ABCB4: variants seen among roughly 807,000 people sequenced by gnomAD.
ABCB4 encodes the protein ATP binding cassette subfamily B member 4.
ABCB4 carries 76 observed loss-of-function variants against 145.7 expected under a neutral mutation model. The observed-to-expected ratio is 0.52, with a 90% CI of 0.43 to 0.63. ABCB4 has a LOEUF of 0.63. ABCB4 is among the 30% of genes least tolerant of loss of function. ABCB4 has a pLI of 0.00. For missense variants in ABCB4, 1,234 were observed against 1,553.1 expected (o/e 0.79, Z 3.45); for synonymous variants, 517 against 566.8 (o/e 0.91, Z 1.25).
intron 19 of ABCB4, among the ~76,000 whole-genome samples, 168 bp downstream of exon 19, chr7:87,419,830 A>C (rs1365253659): frequency 6.6e-6 from 1 of 152,098 alleles, no homozygotes; most frequent in African/African-American, 2.4e-5. Context: ...AAACATGAGA[A>C]GTCTTTAGCT....
At chr7:87,402,724 G>A (rs1013407379) in intron 27 of ABCB4, among the ~76,000 whole-genome samples, 1 of 152,092 alleles carries the variant, frequency 6.6e-6, no homozygotes, top group East Asian at 1.9e-4. Flanking sequence ...ACTATCAGCC[G>A]GGCAAGGTGG....
At chr7:87,446,746 C>T (rs1811369506) in intron 9 of ABCB4, among the ~76,000 whole-genome samples, 1 of 152,162 alleles carries the variant, frequency 6.6e-6, no homozygotes, top group Non-Finnish European at 1.5e-5. Context: ...GGATGGCTCC[C>T]ATCCATATTT....
chr7:87,398,510 T>C (rs771335664), downstream of ABCB4: 33 of 1,612,996 alleles, frequency 2.0e-5, no homozygotes, highest in Middle Eastern at 1.6e-4. Flanking sequence ...TTAATCATTA[T>C]TTATGCTTCA....
Position 87,403,247 on chromosome 7 carries a change from T to G in ABCB4, c.3521A>C (p.Gln1174Pro), listed in dbSNP as rs765296260. Residue 1174 changes from glutamine to proline, a missense_variant, in exon 27 of 28, where the codon CAG becomes CCG. By Grantham distance (76) the Gln-to-Pro change is moderately conservative (BLOSUM62 -1). Coordinates refer to ENST00000649586, the MANE Select transcript of ABCB4 (RefSeq NM_000443.4). ...CCTCTGTTTTTGACCTCCTGAGAGC[T>G]GAGTCCCCTTATCTCCCACTCTTGT... ...YETRVGDKGT[Q>P]LSGGQKQRIA... 1 of 1,614,066 alleles carries G rather than the reference T, an allele frequency of 6.2e-7. No homozygotes were observed. The highest frequency in any genetic ancestry group is 1.3e-5 in the African/African-American group (1 of 75,066).
chr7:87,461,060 C>T (rs1812425856), intron 4 of ABCB4, among the ~76,000 whole-genome samples: 1 of 152,106 alleles, frequency 6.6e-6, no homozygotes. Context: ...ATTCCTCTGC[C>T]TCAGCCTCCA....
chr7:87,395,821 C>T, the ABCB4 span, among the ~76,000 whole-genome samples: 5 of 152,176 alleles, frequency 3.3e-5, no homozygotes, highest in South Asian at 4.2e-4. Context: ...AATTCAGGCT[C>T]TAGATCGGGG....
intron 14 of ABCB4, among the ~76,000 whole-genome samples, chr7:87,432,088 C>T (rs532368099): frequency 6.6e-6 from 1 of 152,256 alleles, no homozygotes; most frequent in Admixed American, 6.5e-5. Context: ...GGTTCAAAAG[C>T]CATCCAAAGC....
intron 8 of ABCB4, chr7:87,448,714 G>A (rs558497823): frequency 6.6e-6 from 1 of 152,370 alleles, no homozygotes; most frequent in East Asian, 1.9e-4. Flanking sequence ...GGACTATTAT[G>A]TACAGGAAGC....
In ABCB4 at chr7:87,463,429, T is replaced by C. The variant is rs1562999372; in HGVS notation, c.136-521A>G. On this transcript the variant is annotated intron_variant, in intron 3 of 27. Coordinates refer to ENST00000649586, the MANE Select transcript of ABCB4 (RefSeq NM_000443.4). Reference sequence around the variant, plus strand: ...TAGTGAAGCACAATAAACATTACAGTGTGTCTATATATGCACCTTAGGGAA... The same window carrying C: ...TAGTGAAGCACAATAAACATTACAGCGTGTCTATATATGCACCTTAGGGAA... 5.3e-5 allele frequency among the ~76,000 whole-genome samples: 8 copies of C among 152,338 alleles called. No homozygotes were observed. In the South Asian group the frequency reaches 1.5e-3, roughly 28 times the overall value.
At position 87,431,431 on chromosome 7, in the gene ABCB4, C is replaced by T. The variant is rs761626166; in HGVS notation, c.1866G>A (p.Gly622=). ...GCATGTTGACAAGTTTGAAGTACACCCCTTCCTTCTTCATCAGTTCGCTGT... is the reference window on the plus strand; with the variant it reads ...GCATGTTGACAAGTTTGAAGTACACTCCTTCCTTCTTCATCAGTTCGCTGT... ...GSHSELMKKE[G]VYFKLVNMQT... The change falls in exon 15 of 28, where the codon GGG becomes GGA. Residue 622 remains glycine, a synonymous_variant. Coordinates refer to ENST00000649586, the MANE Select transcript of ABCB4 (RefSeq NM_000443.4). 6.2e-7 allele frequency: 1 copy of T among 1,614,014 alleles called. No individual in the cohort carries two copies. Among genetic ancestry groups the T allele is most frequent in the South Asian group, 1.1e-5 (1 of 91,078 alleles).
At chr7:87,437,454 T>C (rs908388937) in intron 14 of ABCB4, among the ~76,000 whole-genome samples, 3 of 152,182 alleles carry the variant, frequency 2.0e-5, no homozygotes, top group Admixed American at 6.5e-5. Flanking sequence ...TACACTGAAT[T>C]GTTTTAAGCG....
At chr7:87,445,073 GT>G in intron 9 of ABCB4, 98 bp from the exon 10 acceptor site, 1 of 820,826 alleles carries the variant, frequency 1.2e-6, no homozygotes, top group Non-Finnish European at 2.0e-6. Flanking sequence ...AAAGGATTAA[GT>G]TTAGGTTTAT....
In ABCB4 at chr7:87,447,725, T is replaced by C. The variant is rs184696016; in HGVS notation, c.834-520A>G. ...TTGTACATAAACATAGGCTTCTCTC[T>C]TTGACTTTTTTAAAAATCAGGCTGA... On this transcript the variant is annotated intron_variant, in intron 8 of 27. Transcript: ENST00000649586. Among the ~76,000 whole-genome samples, 13 of 152,332 alleles carry C rather than the reference T, an allele frequency of 8.5e-5. No homozygotes were observed. The East Asian group carries it at 2.5e-3, about 29-fold the overall frequency.
At chr7:87,410,556 C>T (rs186734705) in intron 23 of ABCB4, among the ~76,000 whole-genome samples, 69 of 152,292 alleles carry the variant, frequency 4.5e-4, no homozygotes, top group Middle Eastern at 6.8e-3. Context: ...AATAATGTGA[C>T]TTTCCAACGG....
At chr7:87,408,645 T>C (rs983787441) in intron 24 of ABCB4, among the ~76,000 whole-genome samples, 1 of 152,222 alleles carries the variant, frequency 6.6e-6, no homozygotes, top group East Asian at 1.9e-4. Flanking sequence ...TAAGTTCACT[T>C]TCTTTATCTC....
At chr7:87,407,898 C>G (rs931200650) in intron 25 of ABCB4, 139 bp downstream of exon 25, 1 of 1,023,774 alleles carries the variant, frequency 9.8e-7, no homozygotes, top group Non-Finnish European at 1.5e-6. Flanking sequence ...GATATGGTGC[C>G]AGTTGGGGTT....
At chr7:87,443,204 G>C in intron 12 of ABCB4, 115 bp downstream of exon 12, 1 of 1,379,720 alleles carries the variant, frequency 7.2e-7, no homozygotes, top group Non-Finnish European at 1.0e-6. Flanking sequence ...TTGCCATTTT[G>C]TAGGCTTTTT....
the ABCB4 span, among the ~76,000 whole-genome samples, chr7:87,385,560 A>C: frequency 6.6e-6 from 1 of 152,084 alleles, no homozygotes; most frequent in South Asian, 2.1e-4. Flanking sequence ...AACTTTACTG[A>C]ATTTGTTTAT....
At chr7:87,426,277 A>T (rs113500955) in intron 16 of ABCB4, among the ~76,000 whole-genome samples, 3 of 152,120 alleles carry the variant, frequency 2.0e-5, no homozygotes, top group African/African-American at 7.2e-5. Context: ...GTCTATGGGG[A>T]CTGTGGAGCT....
Sources: gnomAD v4.1 joint callset for allele counts (sites outside exome capture counted in the v4.1 genomes callset) on GRCh38, gnomAD v4.1.1 for gene constraint, MANE v1.5 for transcripts, NCBI Gene and HGNC (gene_info 2026-07-23, HGNC 2026-07-21) for gene names.